Variants in DEGS1 observed in about 807,000 individuals in gnomAD.
DEGS1 encodes the protein sphingolipid delta(4)-desaturase DES1.
Under a neutral mutation model 24.1 loss-of-function variants are expected in DEGS1, and 17 were observed. That is an observed-to-expected ratio of 0.70 (90% CI 0.48 to 1.06). DEGS1 has a LOEUF of 1.06. DEGS1 is among the 50% of genes least tolerant of loss of function. The pLI, the probability that DEGS1 is intolerant of heterozygous loss-of-function variation, is 0.00. For missense variants in DEGS1, 366 were observed against 408.9 expected (o/e 0.90, Z 0.91); for synonymous variants, 134 against 140.0 (o/e 0.96, Z 0.30).
At chr1:224,191,817 G>A (rs1182489468) in intron 2 of DEGS1, among the ~76,000 whole-genome samples, 5 of 151,784 alleles carry the variant, frequency 3.3e-5, no homozygotes, top group South Asian at 2.1e-4. Flanking sequence ...GGCTGGTCTC[G>A]AACTCCTGAC....
At position 224,189,886 on chromosome 1, in the gene DEGS1, A is replaced by G. The variant is rs779321762; in HGVS notation, c.392A>G (p.His131Arg). The G allele has an allele frequency of 1.9e-6, 3 of 1,614,210 alleles. No individual in the cohort carries two copies. The South Asian group carries it at 3.3e-5, about 18-fold the overall frequency. Residue 131 changes from histidine to arginine, a missense_variant, in exon 2 of 3, where the codon CAT (histidine) becomes CGT (arginine). Transcript: ENST00000323699. The part of the protein sequence containing the change: ...SISFKRYHMD[H>R]HRYLGADGVD... ...TCCTTTAAGAGGTATCACATGGATC[A>G]TCATCGGTACCTTGGAGCTGATGGC...
chr1:224,190,418 C>A, intron 2 of DEGS1, 99 bp downstream of exon 2: 1 of 1,113,148 alleles, frequency 9.0e-7, no homozygotes, highest in Non-Finnish European at 1.2e-6. Flanking sequence ...CGGGCAGTGG[C>A]ACGATCTCGG....
intron 1 of DEGS1, among the ~76,000 whole-genome samples, chr1:224,184,970 T>TACACACAC (rs58790626): frequency 2.1e-4 from 31 of 148,692 alleles, no homozygotes; most frequent in South Asian, 6.5e-4. Context: ...GCCCCCCGTT[T>TACACACAC]ACACACACAC....
At chr1:224,184,702 G>A (rs1482592473) in intron 1 of DEGS1, among the ~76,000 whole-genome samples, 1 of 152,074 alleles carries the variant, frequency 6.6e-6, no homozygotes, top group African/African-American at 2.4e-5. Flanking sequence ...TTTAGTTAGA[G>A]ACGGGGTTTC....
chr1:224,189,644 G>A lies in DEGS1; in HGVS notation c.150G>A (p.Met50Ile). 6.2e-7 allele frequency: 1 copy of A among 1,613,556 alleles called. No individual in the cohort carries two copies. The change falls in exon 2 of 3, where the codon ATG becomes ATA. Residue 50 changes from methionine (M) to isoleucine (I), a missense_variant. Physicochemically the swap from Met to Ile is conservative, Grantham distance 10. Transcript: ENST00000323699. The part of the protein sequence containing the change: ...DPNLIWIIIM[M>I]VLTQLGAFYI... ...ATTTGATATGGATTATAATTATGAT[G>A]GTTCTCACCCAGTTGGGTGCATTTT...
chr1:224,190,356 T>C (rs1019216103), intron 2 of DEGS1, 37 bp downstream of exon 2: 1 of 1,441,250 alleles, frequency 6.9e-7, no homozygotes, highest in African/African-American at 1.4e-5. Flanking sequence ...TAATTTTGTT[T>C]TTTCATTTGT....
chr1:224,185,166 A>AT (rs1428433822), intron 1 of DEGS1, among the ~76,000 whole-genome samples: 1 of 151,962 alleles, frequency 6.6e-6, no homozygotes, highest in Non-Finnish European at 1.5e-5. Context: ...TGATTTTTCT[A>AT]TTTTTTGTAG....
chr1:224,187,525 AT>A lies in DEGS1; in HGVS notation c.83-2044del, dbSNP rs200848572. 1.0e-2 allele frequency among the ~76,000 whole-genome samples: 1,516 copies of A among 151,948 alleles called. 114 individuals carry two copies. Among genetic ancestry groups the A allele is most frequent in the Admixed American group, 0.078 (1,186 of 15,228 alleles). On this transcript the variant is annotated intron_variant, in intron 1 of 2. Coordinates refer to ENST00000323699, the MANE Select transcript of DEGS1 (RefSeq NM_003676.4). ...AGGCTTGTGCCACCTCACCTGGCTA[AT>A]TTTTTTTATTTTTGGTAGAAATAGA...
In DEGS1 at chr1:224,190,114, A is replaced by C. The variant is rs1476626937; in HGVS notation, c.620A>C (p.Lys207Thr). Reference sequence around the variant, plus strand: ...TTAATTTATTACTTTTTGGGAATTAAATCCTTAGTCTACATGTTGGCAGCA... The same window carrying C: ...TTAATTTATTACTTTTTGGGAATTACATCCTTAGTCTACATGTTGGCAGCA... ...DILIYYFLGI[K>T]SLVYMLAASL... Residue 207 changes from lysine to threonine, a missense_variant, in exon 2 of 3, where the codon AAA (lysine) becomes ACA (threonine). Coordinates refer to ENST00000323699, the MANE Select transcript of DEGS1 (RefSeq NM_003676.4). 6 of 1,613,516 alleles carry C rather than the reference A, an allele frequency of 3.7e-6. No homozygotes were observed. Among genetic ancestry groups the C allele is most frequent in the Non-Finnish European group, 4.2e-6 (5 of 1,179,776 alleles).
Position 224,192,710 on chromosome 1 carries a change from T to TTATCGTCA in DEGS1, c.*232_*233insTATCGTCA, listed in dbSNP as rs1658575508. The TTATCGTCA allele has an allele frequency of 6.5e-6, 3 of 458,898 alleles. No individual in the cohort carries two copies. Among genetic ancestry groups the TTATCGTCA allele is most frequent in the Non-Finnish European group, 1.1e-5 (3 of 263,454 alleles). 28.4% of individuals were successfully genotyped at this position (458,898 alleles called of 1,614,324 possible). ...ACTTGTGTATTATCGTCATTGAGGA[T>TTATCGTCA]GTTTCACTCATGTCTGTCATTTTAT... On this transcript the variant is annotated 3_prime_UTR_variant, in exon 3 of 3. Transcript: ENST00000323699.
At chr1:224,190,408 C>A in intron 2 of DEGS1, 89 bp downstream of exon 2, 2 of 1,213,318 alleles carry the variant, frequency 1.6e-6, no homozygotes, top group Non-Finnish European at 2.2e-6. Context: ...CCCAGGCTGG[C>A]GGGCAGTGGC....
At chr1:224,191,825 G>A (rs1442324853) in intron 2 of DEGS1, among the ~76,000 whole-genome samples, 1 of 151,974 alleles carries the variant, frequency 6.6e-6, no homozygotes, top group Non-Finnish European at 1.5e-5. Flanking sequence ...TCGAACTCCT[G>A]ACCTCAGGTG....
Position 224,192,717 on chromosome 1 carries a change from C to G in DEGS1, c.*239C>G, listed in dbSNP as rs1343309516. The G allele has an allele frequency of 2.3e-6, 1 of 443,718 alleles. No individual in the cohort carries two copies. The highest frequency in any genetic ancestry group is 3.9e-6 in the Non-Finnish European group (1 of 253,940). 27.5% of individuals were successfully genotyped at this position (443,718 alleles called of 1,614,324 possible). ...TATTATCGTCATTGAGGATGTTTCA[C>G]TCATGTCTGTCATTTTATAAGCATA... On this transcript the variant is annotated 3_prime_UTR_variant, in exon 3 of 3. Coordinates refer to ENST00000323699, the MANE Select transcript of DEGS1 (RefSeq NM_003676.4).
chr1:224,183,560 G>T (rs1658292148), intron 1 of DEGS1, 142 bp downstream of exon 1: 1 of 576,950 alleles, frequency 1.7e-6, no homozygotes, highest in Non-Finnish European at 2.5e-6. Flanking sequence ...TCGCCGCTCG[G>T]GCCGCCAGCC....
At position 224,192,653 on chromosome 1, in the gene DEGS1, T is replaced by TA. The variant is rs890108380; in HGVS notation, c.*176dup. The TA allele has an allele frequency of 1.4e-5, 8 of 582,496 alleles. No individual in the cohort carries two copies. In the Admixed American group the frequency reaches 2.9e-4, roughly 21 times the overall value. The allele number at this position is 582,496 out of a possible 1,614,324, so 36.1% of individuals were successfully genotyped here. ...CTTTTAAACAGTCAGCCTGACTCTG[T>TA]ACTGCTCAGTTTCACTCACAGGAAA... is the stretch of plus-strand genomic sequence containing the variant. On this transcript the variant is annotated 3_prime_UTR_variant, in exon 3 of 3. Coordinates refer to ENST00000323699, the MANE Select transcript of DEGS1 (RefSeq NM_003676.4).
In DEGS1 at chr1:224,183,740, G is replaced by T. The variant is rs1387785035; in HGVS notation, c.82+322G>T. The T allele has an allele frequency of 2.2e-5, 5 of 230,736 alleles. No homozygotes were observed. The Admixed American group carries it at 2.9e-4, about 13-fold the overall frequency. 14.3% of individuals were successfully genotyped at this position (230,736 alleles called of 1,614,324 possible). ...GCGAAGGGTGTCCCCGGCTGTGCCA[G>T]CCTTGAGTAGATCTTTTCGCTAGAA... On this transcript the variant is annotated intron_variant, in intron 1 of 2. Transcript: ENST00000323699.
chr1:224,191,568 A>G lies in DEGS1; in HGVS notation c.826-764A>G, dbSNP rs577046163. ...AAAGACATTTTTAACTTGAGATGGC[A>G]GAATTGCACATTTGATAAGTGCTTT... On this transcript the variant is annotated intron_variant, in intron 2 of 2. Coordinates refer to ENST00000323699, the MANE Select transcript of DEGS1 (RefSeq NM_003676.4). Among the ~76,000 whole-genome samples the G allele has an allele frequency of 2.7e-5, 4 of 147,666 alleles. 1 individual carries two copies. The South Asian group carries it at 8.6e-4, about 32-fold the overall frequency.
Position 224,189,809 on chromosome 1 carries a change from T to A in DEGS1, c.315T>A (p.Asn105Lys). ...AAFGNCKAMW[N>K]RWFGMFANLP... is the part of the protein sequence containing the mutation. ...TTGGCAACTGCAAAGCAATGTGGAA[T>A]CGCTGGTTTGGAATGTTTGCTAATC... The change falls in exon 2 of 3, where the codon AAT becomes AAA. Residue 105 changes from asparagine to lysine, a missense_variant. Asn to Lys is a moderately conservative substitution (Grantham distance 94). Transcript: ENST00000323699. 6.2e-7 allele frequency: 1 copy of A among 1,614,244 alleles called. No individual in the cohort carries two copies. The highest frequency in any genetic ancestry group is 8.5e-7 in the Non-Finnish European group (1 of 1,180,038).
At chr1:224,186,273 G>A (rs964668012) in intron 1 of DEGS1, among the ~76,000 whole-genome samples, 1 of 152,052 alleles carries the variant, frequency 6.6e-6, no homozygotes, top group Non-Finnish European at 1.5e-5. Context: ...GCCCCACCGC[G>A]TTCCAGCCTG....
Sources: gnomAD v4.1 joint callset for allele counts (sites outside exome capture counted in the v4.1 genomes callset) on GRCh38, gnomAD v4.1.1 for gene constraint, MANE v1.5 for transcripts, NCBI Gene and HGNC (gene_info 2026-07-23, HGNC 2026-07-21) for gene names.